FOXN3: variants seen among roughly 807,000 people sequenced by gnomAD.
FOXN3 encodes forkhead box N3, also known as forkhead box protein N3.
Under a neutral mutation model 38.4 loss-of-function variants are expected in FOXN3, and 7 were observed. That is an observed-to-expected ratio of 0.18 (90% CI 0.10 to 0.34). FOXN3 has a LOEUF of 0.34. Ranked by LOEUF, FOXN3 falls within the 10% of genes least tolerant of loss-of-function variation. FOXN3 has a pLI of 1.00. For synonymous variants in FOXN3, 230 were observed against 242.2 expected (o/e 0.95, Z 0.47); for missense variants, 456 against 613.4 (o/e 0.74, Z 2.71).
intron 4 of FOXN3, chr14:89,230,893 T>C (rs776586096): frequency 2.2e-6 from 1 of 455,964 alleles, no homozygotes; most frequent in Non-Finnish European, 4.4e-6. Context: ...CTTTCATTTA[T>C]AAAGTACTTC....
Position 89,204,792 on chromosome 14 carries a change from C to CTCCATCCATCCA in FOXN3, c.746-23998_746-23987dup, listed in dbSNP as rs142220885. On this transcript the variant is annotated intron_variant, in intron 4 of 5. Coordinates refer to ENST00000557258, the MANE Select transcript of FOXN3 (RefSeq NM_005197.4). Reference sequence around the variant, plus strand: ...TCAATTTGATACAAAGAGACATAGGCTCCATCCATCCATCCATCCATCCAT... The same window carrying CTCCATCCATCCA: ...TCAATTTGATACAAAGAGACATAGGCTCCATCCATCCATCCATCCATCCATCCATCCATCCAT... Among the ~76,000 whole-genome samples the CTCCATCCATCCA allele has an allele frequency of 7.1e-3, 1,072 of 150,760 alleles. 17 individuals carry two copies. The highest frequency in any genetic ancestry group is 0.025 in the African/African-American group (1,036 of 40,940).
At chr14:89,352,680 A>C (rs1265518828) in intron 2 of FOXN3, among the ~76,000 whole-genome samples, 1 of 152,212 alleles carries the variant, frequency 6.6e-6, no homozygotes, top group East Asian at 1.9e-4. Context: ...CAATTCTGGA[A>C]ACCCAATGGC....
intron 1 of FOXN3, among the ~76,000 whole-genome samples, chr14:89,603,988 C>T (rs1011082271): frequency 1.3e-5 from 2 of 152,144 alleles, no homozygotes; most frequent in Admixed American, 1.3e-4. Flanking sequence ...AAATGTGTAA[C>T]CACAAGGTAA....
intron 3 of FOXN3, among the ~76,000 whole-genome samples, chr14:89,331,916 C>T (rs1403709824): frequency 6.6e-6 from 1 of 151,994 alleles, no homozygotes; most frequent in African/African-American, 2.4e-5. Context: ...AATTGGTGTT[C>T]CTTGGAATAT....
At chr14:89,216,798 A>G (rs959964569) in intron 4 of FOXN3, among the ~76,000 whole-genome samples, 1 of 152,096 alleles carries the variant, frequency 6.6e-6, no homozygotes, top group African/African-American at 2.4e-5. Flanking sequence ...CCCACCCCTT[A>G]ATGAAAATCC....
intron 1 of FOXN3, among the ~76,000 whole-genome samples, chr14:89,429,879 C>A (rs1405900641): frequency 6.6e-6 from 1 of 152,228 alleles, no homozygotes; most frequent in Non-Finnish European, 1.5e-5. Flanking sequence ...ACACAGACAT[C>A]GCTGGCCTTC....
intron 1 of FOXN3, among the ~76,000 whole-genome samples, chr14:89,562,550 G>A (rs994767657): frequency 2.0e-5 from 3 of 152,144 alleles, no homozygotes; most frequent in East Asian, 1.9e-4. Flanking sequence ...GTGAGCCACC[G>A]TGCCCAGCCT....
chr14:89,549,214 G>A (rs1894949687), intron 1 of FOXN3, among the ~76,000 whole-genome samples: 1 of 150,898 alleles, frequency 6.6e-6, no homozygotes, highest in Admixed American at 6.6e-5. Flanking sequence ...TGTTTGAAAG[G>A]CCTTTTGTTT....
chr14:89,293,975 G>A (rs780497838), intron 3 of FOXN3, among the ~76,000 whole-genome samples: 3 of 152,084 alleles, frequency 2.0e-5, no homozygotes, highest in African/African-American at 4.8e-5. Flanking sequence ...AGAAAACAAC[G>A]GACCCAGCCT....
At chr14:89,352,695 G>C (rs556157996) in intron 2 of FOXN3, among the ~76,000 whole-genome samples, 2 of 152,300 alleles carry the variant, frequency 1.3e-5, no homozygotes, top group East Asian at 3.9e-4. Context: ...AATGGCTTTT[G>C]TTCTCATCAT....
chr14:89,315,085 C>G (rs1196443705), intron 3 of FOXN3, among the ~76,000 whole-genome samples: 1 of 152,000 alleles, frequency 6.6e-6, no homozygotes, highest in Non-Finnish European at 1.5e-5. Context: ...GATCAGCCCC[C>G]TCCATATCAC....
chr14:89,183,031 T>C (rs1280353600), intron 4 of FOXN3, among the ~76,000 whole-genome samples: 4 of 151,976 alleles, frequency 2.6e-5, no homozygotes, highest in African/African-American at 7.3e-5. Flanking sequence ...GGAGGAAAAA[T>C]AGCAATAATT....
intron 1 of FOXN3, among the ~76,000 whole-genome samples, chr14:89,505,317 G>GATGCCGAGCC (rs952260125): frequency 1.2e-4 from 16 of 128,176 alleles, no homozygotes; most frequent in Non-Finnish European, 2.0e-4. Context: ...GTCTCCCTCT[G>GATGCCGAGCC]ATGCCGAGCC....
At chr14:89,300,946 G>A (rs768310272) in intron 3 of FOXN3, among the ~76,000 whole-genome samples, 1 of 151,914 alleles carries the variant, frequency 6.6e-6, no homozygotes, top group African/African-American at 2.4e-5. Flanking sequence ...ATAGGTGCCT[G>A]TCCCCATGCC....
At chr14:89,514,352 G>C (rs1894160133) in intron 1 of FOXN3, among the ~76,000 whole-genome samples, 1 of 152,200 alleles carries the variant, frequency 6.6e-6, no homozygotes, top group African/African-American at 2.4e-5. Context: ...AATCAGACTT[G>C]AGACCTTAGC....
At chr14:89,533,555 G>C (rs533065746) in intron 1 of FOXN3, among the ~76,000 whole-genome samples, 1 of 151,274 alleles carries the variant, frequency 6.6e-6, no homozygotes, top group African/African-American at 2.4e-5. Context: ...CCGGCCACTC[G>C]GGAGGCTGAG....
At chr14:89,200,040 T>G (rs1713818713) in intron 4 of FOXN3, among the ~76,000 whole-genome samples, 1 of 152,234 alleles carries the variant, frequency 6.6e-6, no homozygotes, top group Non-Finnish European at 1.5e-5. Context: ...AACGGATGAC[T>G]GTGCTTGGAT....
chr14:89,326,524 A>G (rs900007476), intron 3 of FOXN3, among the ~76,000 whole-genome samples: 2 of 152,220 alleles, frequency 1.3e-5, no homozygotes, highest in African/African-American at 2.4e-5. Flanking sequence ...TCACAGGCGC[A>G]CTGGACTTTA....
chr14:89,473,328 G>A (rs990195425), intron 1 of FOXN3, among the ~76,000 whole-genome samples: 6 of 151,240 alleles, frequency 4.0e-5, no homozygotes, highest in African/African-American at 1.5e-4. Flanking sequence ...CCGGCCAGAA[G>A]GTGATCATTT....
Sources: gnomAD v4.1 joint callset for allele counts (sites outside exome capture counted in the v4.1 genomes callset) on GRCh38, gnomAD v4.1.1 for gene constraint, MANE v1.5 for transcripts, NCBI Gene and HGNC (gene_info 2026-07-23, HGNC 2026-07-21) for gene names.